CWH43: variants seen among roughly 807,000 people sequenced by gnomAD.
The protein encoded by CWH43 is cell wall biogenesis 43 C-terminal homolog.
Under a neutral mutation model 85.7 loss-of-function variants are expected in CWH43, and 91 were observed. The observed-to-expected ratio is 1.06, with a 90% CI of 0.90 to 1.26. CWH43 has a LOEUF of 1.26. Ranked by LOEUF, CWH43 falls within the 50% of genes most tolerant of loss-of-function variation. The probability of loss-of-function intolerance (pLI) is 0.00; values close to 1 mark genes in which losing one functional copy is unlikely to be tolerated. For synonymous variants in CWH43, 323 were observed against 293.6 expected, an observed-to-expected ratio of 1.10 and a Z score of -1.02; for missense variants, 869 against 839.2, an observed-to-expected ratio of 1.04 and a Z score of -0.44.
At chr4:49,045,270 C>T (rs1784587763) in intron 14 of CWH43, among the ~76,000 whole-genome samples, 1 of 152,034 alleles carries the variant, frequency 6.6e-6, no homozygotes, top group Non-Finnish European at 1.5e-5. Flanking sequence ...TTTGATGGGG[C>T]CATTACTATA....
At chr4:49,006,636 CT>C (rs1286055726) in intron 7 of CWH43, among the ~76,000 whole-genome samples, 1 of 152,138 alleles carries the variant, frequency 6.6e-6, no homozygotes, top group South Asian at 2.1e-4. Flanking sequence ...AGTAAGTAAA[CT>C]TTAAGTGTAA....
chr4:49,031,200 C>G (rs1263919378), intron 11 of CWH43: 6 of 394,752 alleles, frequency 1.5e-5, no homozygotes, highest in African/African-American at 6.3e-5. Context: ...GAGGTTGCAG[C>G]ACCAAGCATG....
chr4:49,053,406 A>G (rs1443522819), intron 15 of CWH43, among the ~76,000 whole-genome samples: 1 of 152,190 alleles, frequency 6.6e-6, no homozygotes, highest in Non-Finnish European at 1.5e-5. Context: ...TTACATTCCC[A>G]CAACAGTGAA....
chr4:49,041,542 G>T (rs909969766), intron 13 of CWH43, among the ~76,000 whole-genome samples: 1 of 152,170 alleles, frequency 6.6e-6, no homozygotes, highest in African/African-American at 2.4e-5. Context: ...TTGGCTCTCT[G>T]TTTGTCTATT....
rs767444860 is a variant in CWH43 at position 48,991,574 on chromosome 4, G to T, written c.356G>T (p.Arg119Met). 21 of 1,613,682 alleles carry T rather than the reference G, an allele frequency of 1.3e-5. No individual in the cohort carries two copies. In the African/African-American group the frequency reaches 2.1e-4, roughly 16 times the overall value. ...TGGTGGTCAGGAAGTCATTTGCAAA[G>T]GTATGGTTAATGTTTCATGTACTTA... ...VTWWSGSHLQ[R>M]YLRIWGFILG... is the part of the protein sequence containing the mutation. The change falls in exon 3 of 16, where the codon AGG (arginine) becomes ATG (methionine). Residue 119 changes from arginine (R) to methionine (M), a missense_variant and splice_region_variant. Around this residue, in one of 3 missense-constraint regions of CWH43, gnomAD observed 152 missense variants for 203.6 expected, o/e 0.75. Transcript: ENST00000226432.
intron 4 of CWH43, among the ~76,000 whole-genome samples, chr4:48,993,508 T>C (rs1173856191): frequency 6.6e-6 from 1 of 152,156 alleles, no homozygotes; most frequent in Non-Finnish European, 1.5e-5. Context: ...CTTCCTTCTG[T>C]CCTGTAGAGG....
chr4:49,053,462 T>G (rs1335638449), intron 15 of CWH43, among the ~76,000 whole-genome samples: 2 of 152,188 alleles, frequency 1.3e-5, no homozygotes, highest in Non-Finnish European at 2.9e-5. Context: ...TTTGCTGTCT[T>G]TTGCCTTTTT....
chr4:49,045,879 T>C lies in CWH43; in HGVS notation c.1865+1032T>C, dbSNP rs1198096321. Reference sequence around the variant, plus strand: ...ATTTATCATTTCTTTGTTGTAAGAATATTCAAAATCCTCTTTTCTATTTGA... The same window carrying C: ...ATTTATCATTTCTTTGTTGTAAGAACATTCAAAATCCTCTTTTCTATTTGA... On this transcript the variant is annotated intron_variant, in intron 14 of 15. Coordinates refer to ENST00000226432, the MANE Select transcript of CWH43 (RefSeq NM_025087.3). Among the ~76,000 whole-genome samples, 9 of 152,164 alleles carry C rather than the reference T, an allele frequency of 5.9e-5. No homozygotes were observed. The East Asian group carries it at 1.7e-3, about 29-fold the overall frequency.
rs1785062484 is a variant in CWH43, at chr4:49,059,173, TG to T, written c.2022-2636del. Among the ~76,000 whole-genome samples the T allele has an allele frequency of 2.0e-5, 3 of 152,292 alleles. No homozygotes were observed. The South Asian group carries it at 6.2e-4, about 32-fold the overall frequency. On this transcript the variant is annotated intron_variant, in intron 15 of 15. Transcript: ENST00000226432. ...TCATTCTTTTTTCTATGACTCTGGTTGGGTAATTTTGAATGACCAGACTTTG... is the reference window on the plus strand; with the variant it reads ...TCATTCTTTTTTCTATGACTCTGGTTGGTAATTTTGAATGACCAGACTTTG...
Position 49,038,018 on chromosome 4 carries a change from T to C in CWH43, c.1659-18T>C. 1 of 1,588,534 alleles carries C rather than the reference T, an allele frequency of 6.3e-7. No individual in the cohort carries two copies. The highest frequency in any genetic ancestry group is 8.5e-7 in the Non-Finnish European group (1 of 1,170,760). On this transcript the variant is annotated intron_variant, in intron 12 of 15. Transcript: ENST00000226432. Reference sequence around the variant, plus strand: ...GTTTTACAAATACAATAAAGGGTCATATTTTTACATTTTTTAGAGATGACC... The same window carrying C: ...GTTTTACAAATACAATAAAGGGTCACATTTTTACATTTTTTAGAGATGACC...
intron 10 of CWH43, 27 bp from the exon 11 acceptor site, chr4:49,030,798 G>C: frequency 1.3e-6 from 2 of 1,543,472 alleles, no homozygotes; most frequent in South Asian, 2.5e-5. Context: ...ATTCATCACT[G>C]TATGCTACTT....
rs183575691 is a variant in CWH43 at position 49,024,087 on chromosome 4, G to A, written c.1267-4542G>A. Among the ~76,000 whole-genome samples the A allele has an allele frequency of 2.0e-3, 309 of 152,010 alleles. 2 individuals carry two copies. The highest frequency in any genetic ancestry group is 6.5e-3 in the African/African-American group (268 of 41,448). ...TTCCTGTTGGACTAGTCCTTTTATC[G>A]TTATGTAATGTCCTTCTTTGTCTTT... On this transcript the variant is annotated intron_variant, in intron 9 of 15. Coordinates refer to ENST00000226432, the MANE Select transcript of CWH43 (RefSeq NM_025087.3).
intron 15 of CWH43, among the ~76,000 whole-genome samples, chr4:49,061,062 C>G (rs760742666): frequency 3.3e-5 from 5 of 152,016 alleles, no homozygotes; most frequent in African/African-American, 9.7e-5. Flanking sequence ...TTTAGCTAAT[C>G]GATTTTGTTA....
At chr4:49,000,405 A>C (rs1782954498) in intron 6 of CWH43, among the ~76,000 whole-genome samples, 1 of 152,074 alleles carries the variant, frequency 6.6e-6, no homozygotes, top group South Asian at 2.1e-4. Context: ...TTTGATAGGC[A>C]TTGTATTTGG....
chr4:49,057,337 C>G (rs182296597), intron 15 of CWH43, among the ~76,000 whole-genome samples: 2 of 152,166 alleles, frequency 1.3e-5, no homozygotes, highest in Non-Finnish European at 2.9e-5. Flanking sequence ...CAGGACATCT[C>G]GAAGCAGAAA....
At chr4:49,020,439 T>G (rs1783716900) in intron 9 of CWH43, among the ~76,000 whole-genome samples, 1 of 97,036 alleles carries the variant, frequency 1.0e-5, no homozygotes, top group Admixed American at 1.2e-4. Context: ...AAATCATATT[T>G]TCTTTATCCA....
chr4:49,027,079 A>G (rs1222350087), intron 9 of CWH43, among the ~76,000 whole-genome samples: 2 of 152,252 alleles, frequency 1.3e-5, no homozygotes, highest in East Asian at 3.8e-4. Context: ...ATATATGTCA[A>G]TTTGGCTGCT....
intron 14 of CWH43, among the ~76,000 whole-genome samples, chr4:49,045,189 G>A (rs548657016): frequency 6.6e-6 from 1 of 152,248 alleles, no homozygotes; most frequent in South Asian, 2.1e-4. Flanking sequence ...CAGGCCATTG[G>A]ATGAGAAAGT....
At chr4:49,015,135 C>G (rs1454241717) in intron 8 of CWH43, among the ~76,000 whole-genome samples, 1 of 152,086 alleles carries the variant, frequency 6.6e-6, no homozygotes, top group Non-Finnish European at 1.5e-5. Context: ...AGGGTTTAAT[C>G]TATTTTTACC....
Sources: gnomAD v4.1 joint callset for allele counts (sites outside exome capture counted in the v4.1 genomes callset) on GRCh38, gnomAD v4.1.1 for gene constraint, gnomAD v4.1.1 regional missense constraint, MANE v1.5 for transcripts, NCBI Gene and HGNC (gene_info 2026-07-23, HGNC 2026-07-21) for gene names.